CYP3A43: variants seen among roughly 807,000 people sequenced by gnomAD.
CYP3A43 encodes the protein cytochrome P450 family 3 subfamily A member 43, also known as cytochrome P450 3A43.
In CYP3A43, 45 loss-of-function variants were observed where a neutral mutation model predicts 58.0. That is an observed-to-expected ratio of 0.78 (90% CI 0.61 to 0.99). The LOEUF is 0.99. CYP3A43 is among the 50% of genes least tolerant of loss of function. The probability of loss-of-function intolerance (pLI) is 0.00; values close to 1 mark genes in which losing one functional copy is unlikely to be tolerated. For synonymous variants in CYP3A43, 191 were observed against 201.4 expected, an observed-to-expected ratio of 0.95 and a Z score of 0.44; for missense variants, 593 against 591.9, an observed-to-expected ratio of 1.00 and a Z score of -0.02.
intron 2 of CYP3A43, among the ~76,000 whole-genome samples, chr7:99,836,919 G>C (rs375780583): frequency 6.6e-6 from 1 of 152,128 alleles, no homozygotes; most frequent in Non-Finnish European, 1.5e-5. Context: ...CCCCAGTAGC[G>C]CTCATTAGCA....
In CYP3A43 at chr7:99,839,147, A is replaced by G; in HGVS notation, c.193A>G (p.Asn65Asp). ...RGLWNFDRECNEKYGEMWGLY... is the reference protein window; with the variant it reads ...RGLWNFDRECDEKYGEMWGLY... ...TCTTTGGAATTTTGACAGAGAATGT[A>G]ATGAAAAATACGGAGAAATGTGGGG... The change falls in exon 3 of 13, where the codon AAT becomes GAT. Residue 65 changes from asparagine to aspartate, a missense_variant. Transcript: ENST00000354829. 6.2e-7 allele frequency: 1 copy of G among 1,614,162 alleles called. No individual in the cohort carries two copies.
At chr7:99,857,481 G>A (rs12535293) in intron 9 of CYP3A43, among the ~76,000 whole-genome samples, 10,305 of 152,054 alleles carry the variant, frequency 0.068, 1,106 homozygotes, top group African/African-American at 0.23. Flanking sequence ...GACCATGATC[G>A]ATTTCAAGCC....
chr7:99,831,324 T>C (rs1298836301), intron 1 of CYP3A43, among the ~76,000 whole-genome samples: 1 of 152,214 alleles, frequency 6.6e-6, no homozygotes, highest in African/African-American at 2.4e-5. Flanking sequence ...AATTCAACTG[T>C]CTGGAATATT....
rs756081351 is a variant in CYP3A43, at chr7:99,859,865, A to G, written c.901A>G (p.Ile301Val). The change falls in exon 10 of 13, where the codon ATC becomes GTC. Residue 301 changes from isoleucine to valine, a missense_variant. Coordinates refer to ENST00000354829, the MANE Select transcript of CYP3A43 (RefSeq NM_057095.3). Reference sequence around the variant, plus strand: ...TCTGGAGCTTGTGGCCCAGTCAATTATCATCATTTTTGCTGCCTATGACAC... The same window carrying G: ...TCTGGAGCTTGTGGCCCAGTCAATTGTCATCATTTTTGCTGCCTATGACAC... Reference protein sequence around the residue: ...SDLELVAQSIIIIFAAYDTTS... With the variant: ...SDLELVAQSIVIIFAAYDTTS... The G allele has an allele frequency of 6.2e-7, 1 of 1,614,172 alleles. No individual in the cohort carries two copies. Among genetic ancestry groups the G allele is most frequent in the South Asian group, 1.1e-5 (1 of 91,086 alleles).
At chr7:99,846,096 A>G (rs1475234677) in intron 4 of CYP3A43, among the ~76,000 whole-genome samples, 1 of 152,186 alleles carries the variant, frequency 6.6e-6, no homozygotes, top group Non-Finnish European at 1.5e-5. Context: ...TTCCATAAAA[A>G]TTCAGAACAA....
chr7:99,839,616 G>A (rs1294321335), intron 3 of CYP3A43, among the ~76,000 whole-genome samples: 1 of 152,132 alleles, frequency 6.6e-6, no homozygotes, highest in East Asian at 1.9e-4. Context: ...CACAGATATA[G>A]GGGGTCTCCC....
At chr7:99,843,852 G>T (rs568356043) in intron 3 of CYP3A43, among the ~76,000 whole-genome samples, 5 of 152,246 alleles carry the variant, frequency 3.3e-5, no homozygotes, top group East Asian at 1.9e-4. Flanking sequence ...TGTAACAAAG[G>T]CTTCTGATAT....
intron 7 of CYP3A43, among the ~76,000 whole-genome samples, chr7:99,851,851 G>C (rs1164569851): frequency 1.3e-5 from 2 of 152,096 alleles, no homozygotes. Flanking sequence ...TTATCCTGTA[G>C]GTATCAAATC....
At chr7:99,843,912 T>C (rs1343593965) in intron 3 of CYP3A43, among the ~76,000 whole-genome samples, 1 of 152,222 alleles carries the variant, frequency 6.6e-6, no homozygotes, top group African/African-American at 2.4e-5. Flanking sequence ...AATGACTCTT[T>C]CCTGTTTGAG....
chr7:99,846,299 C>T lies in CYP3A43; in HGVS notation c.319-1189C>T, dbSNP rs576582369. ...GTTTTGTAATTTTTAGCATAGAGAT[C>T]CTGTACGTGTTTTGTTAGATTCACA... On this transcript the variant is annotated intron_variant, in intron 4 of 12. Coordinates refer to ENST00000354829, the MANE Select transcript of CYP3A43 (RefSeq NM_057095.3). Among the ~76,000 whole-genome samples the T allele has an allele frequency of 7.9e-4, 120 of 152,196 alleles. 1 individual carries two copies. The highest frequency in any genetic ancestry group is 4.4e-3 in the Admixed American group (67 of 15,294).
chr7:99,847,970 C>T (rs1372409535), intron 5 of CYP3A43, 196 bp from the exon 6 acceptor site: 5 of 603,512 alleles, frequency 8.3e-6, no homozygotes, highest in African/African-American at 5.6e-5. Context: ...AAGATTGCGC[C>T]GTTGCACTCC....
chr7:99,848,312 T>G, intron 6 of CYP3A43, 58 bp downstream of exon 6: 2 of 1,555,736 alleles, frequency 1.3e-6, no homozygotes, highest in Non-Finnish European at 1.8e-6. Context: ...CTGCCTGCAG[T>G]GGAGCTGATA....
At chr7:99,852,043 A>C (rs1251754007) in intron 7 of CYP3A43, among the ~76,000 whole-genome samples, 1 of 152,212 alleles carries the variant, frequency 6.6e-6, no homozygotes. Flanking sequence ...TCCTAGGACC[A>C]TTTGTTGAAA....
chr7:99,862,527 C>A (rs777635566), intron 11 of CYP3A43, among the ~76,000 whole-genome samples: 15 of 152,198 alleles, frequency 9.9e-5, no homozygotes, highest in Non-Finnish European at 7.3e-5. Context: ...AAGTCACCTG[C>A]TTTCTAGACT....
At chr7:99,839,391 T>C in intron 3 of CYP3A43, 1 of 703,208 alleles carries the variant, frequency 1.4e-6, no homozygotes, top group Non-Finnish European at 2.6e-6. Flanking sequence ...ATTCAGTATG[T>C]GAACAAAAAT....
At position 99,844,108 on chromosome 7, in the gene CYP3A43, G is replaced by A. The variant is rs1309328562; in HGVS notation, c.219-35G>A. 3 of 1,548,332 alleles carry A rather than the reference G, an allele frequency of 1.9e-6. No homozygotes were observed. In the South Asian group the frequency reaches 3.5e-5, roughly 18 times the overall value. Reference sequence around the variant, plus strand: ...TGGTTCCAGCTGCAGAATCAGGCAAGCGAGGTTTAGTCAGCTCTGTTTTCC... The same window carrying A: ...TGGTTCCAGCTGCAGAATCAGGCAAACGAGGTTTAGTCAGCTCTGTTTTCC... On this transcript the variant is annotated intron_variant, in intron 3 of 12. Transcript: ENST00000354829.
chr7:99,833,532 C>G (rs1816933084), intron 1 of CYP3A43, among the ~76,000 whole-genome samples: 1 of 152,224 alleles, frequency 6.6e-6, no homozygotes, highest in Admixed American at 6.5e-5. Context: ...ATAAGGCTCA[C>G]TAGCCTCAGA....
At chr7:99,862,938 C>G (rs1313768459) in intron 11 of CYP3A43, among the ~76,000 whole-genome samples, 1 of 152,194 alleles carries the variant, frequency 6.6e-6, no homozygotes, top group Admixed American at 6.5e-5. Flanking sequence ...ACTCATTGTA[C>G]TTCTCTTTGC....
chr7:99,847,404 A>G, intron 4 of CYP3A43, 84 bp from the exon 5 acceptor site: 1 of 1,393,158 alleles, frequency 7.2e-7, no homozygotes, highest in Non-Finnish European at 9.9e-7. Context: ...TGTTAAATTC[A>G]TGATGCCTGT....
Sources: gnomAD v4.1 joint callset for allele counts (sites outside exome capture counted in the v4.1 genomes callset) on GRCh38, gnomAD v4.1.1 for gene constraint, MANE v1.5 for transcripts, NCBI Gene and HGNC (gene_info 2026-07-23, HGNC 2026-07-21) for gene names.